NOVA1: variants seen among roughly 807,000 people sequenced by gnomAD.
The protein encoded by NOVA1 is NOVA alternative splicing regulator 1, also known as RNA-binding protein Nova-1.
A neutral mutation model predicts 38.0 loss-of-function variants in NOVA1; 7 were observed. That is an observed-to-expected ratio of 0.18 (90% CI 0.10 to 0.35). The LOEUF (loss-of-function observed/expected upper bound fraction) is 0.35, where lower values mean the gene tolerates loss of function less well. Among genes scored for constraint, NOVA1 ranks in the 10% least tolerant of loss-of-function variants. The pLI, the probability that NOVA1 is intolerant of heterozygous loss-of-function variation, is 1.00. For synonymous variants in NOVA1, 270 were observed against 232.5 expected (o/e 1.16, Z -1.47); for missense variants, 460 against 616.0 (o/e 0.75, Z 2.68).
At chr14:26,540,188 GAGGTGAGCCAC>G in intron 2 of NOVA1, among the ~76,000 whole-genome samples, 1 of 152,266 alleles carries the variant, frequency 6.6e-6, no homozygotes, top group Admixed American at 6.5e-5. Context: ...CCACACAAAG[GAGGTGAGCCAC>G]AGGTGAGCAA....
intron 2 of NOVA1, among the ~76,000 whole-genome samples, chr14:26,523,126 T>C (rs1889024312): frequency 6.6e-6 from 1 of 152,218 alleles, no homozygotes; most frequent in South Asian, 2.1e-4. Flanking sequence ...GGTTTTAACT[T>C]ACTCACCACT....
intron 2 of NOVA1, among the ~76,000 whole-genome samples, chr14:26,546,159 T>C (rs1890777068): frequency 6.6e-6 from 1 of 152,060 alleles, no homozygotes; most frequent in Admixed American, 6.6e-5. Context: ...AAATTCAAAT[T>C]CCATATATTA....
chr14:26,473,460 T>C (rs901775384), intron 3 of NOVA1, among the ~76,000 whole-genome samples: 1 of 151,924 alleles, frequency 6.6e-6, no homozygotes, highest in Admixed American at 6.6e-5. Context: ...TATATTATAT[T>C]AATATCTATT....
intron 4 of NOVA1, chr14:26,470,288 G>A (rs1043383737): frequency 7.4e-7 from 1 of 1,344,086 alleles, no homozygotes; most frequent in Non-Finnish European, 1.0e-6. Context: ...CTATTGACAA[G>A]AAACAAATGA....
chr14:26,462,341 T>G (rs531162127), intron 4 of NOVA1, among the ~76,000 whole-genome samples: 1 of 152,254 alleles, frequency 6.6e-6, no homozygotes, highest in East Asian at 1.9e-4. Flanking sequence ...TGGTAAAGTC[T>G]CAATGAATTA....
At chr14:26,528,343 C>T (rs1189390670) in intron 2 of NOVA1, among the ~76,000 whole-genome samples, 2 of 152,048 alleles carry the variant, frequency 1.3e-5, no homozygotes, top group Non-Finnish European at 2.9e-5. Flanking sequence ...TCCAATGTGG[C>T]CTACATTTCA....
At chr14:26,490,973 C>T (rs530628319) in intron 2 of NOVA1, among the ~76,000 whole-genome samples, 69 of 151,886 alleles carry the variant, frequency 4.5e-4, no homozygotes, top group African/African-American at 1.7e-3. Flanking sequence ...CCTCAGCCTC[C>T]CAAGTAGCTG....
At chr14:26,497,599 T>C (rs1886915495) in intron 2 of NOVA1, among the ~76,000 whole-genome samples, 1 of 152,172 alleles carries the variant, frequency 6.6e-6, no homozygotes, top group Non-Finnish European at 1.5e-5. Context: ...ATTCTGTCTA[T>C]CCATCCTTTT....
chr14:26,560,767 G>C (rs959563229), intron 2 of NOVA1, among the ~76,000 whole-genome samples: 9 of 152,060 alleles, frequency 5.9e-5, no homozygotes, highest in African/African-American at 1.7e-4. Context: ...ATTAATCTTT[G>C]TGCCATCTTT....
chr14:26,484,521 A>T (rs178209), intron 2 of NOVA1, among the ~76,000 whole-genome samples: 141,510 of 151,434 alleles, frequency 0.93, 66,825 homozygotes, highest in East Asian at 1. Context: ...CATTTAAAAA[A>T]TCTCATTGAC....
intron 2 of NOVA1, among the ~76,000 whole-genome samples, chr14:26,590,105 C>T (rs576778563): frequency 3.3e-5 from 5 of 151,946 alleles, no homozygotes; most frequent in African/African-American, 1.2e-4. Flanking sequence ...GACAACTAAC[C>T]TCTTCTCTCT....
intron 2 of NOVA1, among the ~76,000 whole-genome samples, chr14:26,583,733 C>T (rs529315733): frequency 4.0e-5 from 6 of 151,104 alleles, no homozygotes; most frequent in East Asian, 1.9e-4. Flanking sequence ...TGAAAAATCC[C>T]GCTTTATCTC....
At chr14:26,540,801 T>C (rs1371554641) in intron 2 of NOVA1, among the ~76,000 whole-genome samples, 1 of 152,168 alleles carries the variant, frequency 6.6e-6, no homozygotes, top group African/African-American at 2.4e-5. Flanking sequence ...TCACAATTAG[T>C]TGAGTGAACT....
chr14:26,590,481 A>C (rs1594592760), intron 2 of NOVA1, among the ~76,000 whole-genome samples: 1 of 152,070 alleles, frequency 6.6e-6, no homozygotes, highest in Non-Finnish European at 1.5e-5. Context: ...TTAGTTAACA[A>C]GTAGCATAAT....
intron 2 of NOVA1, among the ~76,000 whole-genome samples, chr14:26,515,948 T>C (rs552716409): frequency 2.9e-4 from 44 of 152,228 alleles, no homozygotes; most frequent in Non-Finnish European, 4.9e-4. Flanking sequence ...CACAAACGTA[T>C]GTTCAACTTT....
chr14:26,457,051 G>T (rs577546724), intron 4 of NOVA1, among the ~76,000 whole-genome samples: 1 of 151,726 alleles, frequency 6.6e-6, no homozygotes, highest in Non-Finnish European at 1.5e-5. Flanking sequence ...AGAAAGGGAG[G>T]AATAGAGATT....
At chr14:26,466,241 A>G (rs1210083731) in intron 4 of NOVA1, among the ~76,000 whole-genome samples, 1 of 152,230 alleles carries the variant, frequency 6.6e-6, no homozygotes, top group African/African-American at 2.4e-5. Flanking sequence ...TTATGTGGCA[A>G]AGGCCTTTTC....
chr14:26,583,529 C>T (rs1318842180), intron 2 of NOVA1, among the ~76,000 whole-genome samples: 1 of 151,436 alleles, frequency 6.6e-6, no homozygotes, highest in Non-Finnish European at 1.5e-5. Flanking sequence ...GTCACTTCAG[C>T]TGTTCAATTT....
intron 2 of NOVA1, among the ~76,000 whole-genome samples, chr14:26,526,237 T>C (rs971702396): frequency 6.6e-6 from 1 of 152,140 alleles, no homozygotes; most frequent in Non-Finnish European, 1.5e-5. Flanking sequence ...TAAGAATATG[T>C]TTTTAAATCT....
Sources: gnomAD v4.1 joint callset for allele counts (sites outside exome capture counted in the v4.1 genomes callset) on GRCh38, gnomAD v4.1.1 for gene constraint, MANE v1.5 for transcripts, NCBI Gene and HGNC (gene_info 2026-07-23, HGNC 2026-07-21) for gene names.